Variants in MYO1H observed in about 807,000 individuals in gnomAD.
MYO1H encodes the protein myosin IH.
Under a neutral mutation model 149.3 loss-of-function variants are expected in MYO1H, and 118 were observed. The observed-to-expected ratio is 0.79, with a 90% CI of 0.68 to 0.92. The LOEUF is 0.92. MYO1H is among the 40% of genes least tolerant of loss of function. The pLI is 0.00. For missense variants in MYO1H, 1,212 were observed against 1,280.7 expected (o/e 0.95, Z 0.82); for synonymous variants, 447 against 465.2 (o/e 0.96, Z 0.50).
At chr12:109,419,873 TAAA>T (rs10533849) in intron 15 of MYO1H, among the ~76,000 whole-genome samples, 38,431 of 145,184 alleles carry the variant, frequency 0.26, 5,060 homozygotes, top group East Asian at 0.36. Context: ...TCCCCCAACT[TAAA>T]AAAAAAAAAA....
chr12:109,359,576 C>T (rs1220651194), intron 1 of MYO1H: 1 of 152,168 alleles, frequency 6.6e-6, no homozygotes, highest in Admixed American at 6.5e-5. Flanking sequence ...AATGGGCCAT[C>T]TCTTGTTCTT....
In MYO1H at chr12:109,426,059, G is replaced by T. The variant is rs1368062785; in HGVS notation, c.1831+8G>T. On this transcript the variant is annotated splice_region_variant and intron_variant, in intron 18 of 31. Transcript: ENST00000310903. ...ACGACAGGAAAGAACCCAGTGAGTTGTGGATCATTATGAACTGGGCTCAGG... is the reference window on the plus strand; with the variant it reads ...ACGACAGGAAAGAACCCAGTGAGTTTTGGATCATTATGAACTGGGCTCAGG... The T allele has an allele frequency of 6.2e-7, 1 of 1,604,024 alleles. No individual in the cohort carries two copies. The highest frequency in any genetic ancestry group is 1.7e-5 in the Admixed American group (1 of 59,836).
intron 1 of MYO1H, among the ~76,000 whole-genome samples, chr12:109,386,995 CGTGTGTGTGTGTGTGTGTGT>C (rs55675476): frequency 1.3e-4 from 18 of 141,184 alleles, no homozygotes; most frequent in East Asian, 4.2e-4. Flanking sequence ...ATCTCAAGTT[CGTGTGTGTGTGTGTGTGTGT>C]GTGTGTGTGT....
At chr12:109,390,701 G>A (rs1054045712) in intron 2 of MYO1H, among the ~76,000 whole-genome samples, 54 of 151,212 alleles carry the variant, frequency 3.6e-4, no homozygotes, top group Admixed American at 3.4e-3. Flanking sequence ...GTCTCACTCT[G>A]TCGCCCAGGC....
At chr12:109,431,618 A>G (rs552507770) in intron 19 of MYO1H, among the ~76,000 whole-genome samples, 2 of 152,188 alleles carry the variant, frequency 1.3e-5, no homozygotes, top group Non-Finnish European at 2.9e-5. Context: ...TTTCTACGCC[A>G]GTGGCTCCGG....
intron 19 of MYO1H, among the ~76,000 whole-genome samples, chr12:109,427,912 ATATATATAT>A (rs1871443556): frequency 9.6e-5 from 5 of 51,976 alleles, no homozygotes; most frequent in African/African-American, 3.6e-4. Context: ...AAAAAAAAAT[ATATATATAT>A]ATATATATAT....
exon 4 of MYO1H, chr12:109,396,427 C>G: frequency 6.2e-7 from 1 of 1,613,818 alleles, no homozygotes; most frequent in East Asian, 2.2e-5. Flanking sequence ...GTGTGCTGAA[C>G]TAAATAACCA....
the MYO1H span, among the ~76,000 whole-genome samples, chr12:109,334,851 G>C: frequency 6.6e-6 from 1 of 152,130 alleles, no homozygotes; most frequent in Admixed American, 6.5e-5. Flanking sequence ...GTAGGTTTTA[G>C]TATATTCACA....
At chr12:109,445,962 A>C in intron 31 of MYO1H, 1 of 985,444 alleles carries the variant, frequency 1.0e-6, no homozygotes, top group Non-Finnish European at 1.2e-6. Flanking sequence ...GTGGAAATCA[A>C]TGCGCTTGTG....
At chr12:109,383,272 T>C (rs1478559751) in intron 1 of MYO1H, among the ~76,000 whole-genome samples, 1 of 152,200 alleles carries the variant, frequency 6.6e-6, no homozygotes, top group Non-Finnish European at 1.5e-5. Flanking sequence ...TCTTCTCCCC[T>C]TAAAAAATAG....
upstream of MYO1H, among the ~76,000 whole-genome samples, chr12:109,343,897 A>G (rs749070883): frequency 4.6e-5 from 7 of 152,204 alleles, no homozygotes; most frequent in Non-Finnish European, 8.8e-5. Context: ...GGTGTATTGC[A>G]TAAGCTATTT....
chr12:109,378,131 T>G (rs1284636763), intron 1 of MYO1H, among the ~76,000 whole-genome samples: 1 of 152,160 alleles, frequency 6.6e-6, no homozygotes, highest in Non-Finnish European at 1.5e-5. Context: ...ACAGTTCACT[T>G]GTTTTTAATA....
chr12:109,361,978 T>C (rs1868764446), intron 1 of MYO1H, among the ~76,000 whole-genome samples: 1 of 152,136 alleles, frequency 6.6e-6, no homozygotes, highest in African/African-American at 2.4e-5. Context: ...AAAGATGAGA[T>C]TTGGACAGGG....
chr12:109,431,159 C>A (rs1871598646), intron 19 of MYO1H, among the ~76,000 whole-genome samples: 1 of 151,876 alleles, frequency 6.6e-6, no homozygotes, highest in Non-Finnish European at 1.5e-5. Flanking sequence ...GTGGGTGGAT[C>A]ACGAGGCCAG....
chr12:109,366,156 G>A (rs1263460449), intron 1 of MYO1H, among the ~76,000 whole-genome samples: 4 of 152,100 alleles, frequency 2.6e-5, no homozygotes, highest in Non-Finnish European at 4.4e-5. Context: ...ACCACTGACC[G>A]CTGTCCTAGA....
chr12:109,339,357 G>A, the MYO1H span, among the ~76,000 whole-genome samples: 6 of 152,032 alleles, frequency 3.9e-5, no homozygotes, highest in African/African-American at 1.2e-4. Context: ...GCAACAGAGC[G>A]AGCCTACTCC....
intron 7 of MYO1H, among the ~76,000 whole-genome samples, chr12:109,405,274 G>A (rs769283892): frequency 2.0e-5 from 3 of 152,010 alleles, no homozygotes; most frequent in Non-Finnish European, 2.9e-5. Context: ...AATTAAGTGC[G>A]TTCATTAGTG....
chr12:109,367,726 G>A (rs1476310747), intron 1 of MYO1H, among the ~76,000 whole-genome samples: 2 of 151,696 alleles, frequency 1.3e-5, no homozygotes, highest in Non-Finnish European at 2.9e-5. Context: ...TAATTTTTTT[G>A]TATTTTTAGT....
the MYO1H span, among the ~76,000 whole-genome samples, chr12:109,328,364 A>G: frequency 2.6e-5 from 4 of 151,962 alleles, no homozygotes; most frequent in South Asian, 4.2e-4. Context: ...CTTTTATTTT[A>G]TCTTATTTTT....
Sources: allele counts gnomAD v4.1 joint callset (sites outside exome capture counted in the v4.1 genomes callset), GRCh38; gene constraint gnomAD v4.1.1; transcripts MANE v1.5; gene names NCBI Gene and HGNC (gene_info 2026-07-23, HGNC 2026-07-21).